The following PLPPR1 variants were observed in gnomAD, a reference collection of about 807,000 sequenced individuals.
The protein encoded by PLPPR1 is phospholipid phosphatase related 1, also known as phospholipid phosphatase-related protein type 1.
Under a neutral mutation model 33.1 loss-of-function variants are expected in PLPPR1, and 10 were observed. The observed-to-expected ratio is 0.30, with a 90% CI of 0.19 to 0.51. The LOEUF (loss-of-function observed/expected upper bound fraction) is 0.51. Among genes scored for constraint, PLPPR1 ranks in the 20% least tolerant of loss-of-function variants. The pLI, the probability that PLPPR1 is intolerant of heterozygous loss-of-function variation, is 0.97. For synonymous variants in PLPPR1, 151 were observed against 151.0 expected, an observed-to-expected ratio of 1.00 and a Z score of 0.00; for missense variants, 304 against 408.1, an observed-to-expected ratio of 0.74 and a Z score of 2.20.
chr9:101,234,633 G>A (rs1395191169), intron 2 of PLPPR1, among the ~76,000 whole-genome samples: 1 of 151,876 alleles, frequency 6.6e-6, no homozygotes, highest in African/African-American at 2.4e-5. Flanking sequence ...TAGAGAGAGA[G>A]AGATCTCAAC....
chr9:101,082,414 AAGG>A (rs1830631179), intron 1 of PLPPR1, among the ~76,000 whole-genome samples: 1 of 152,078 alleles, frequency 6.6e-6, no homozygotes, highest in Non-Finnish European at 1.5e-5. Flanking sequence ...CTCCCCCACC[AAGG>A]AGGGGATTTT....
At chr9:101,128,248 T>A (rs1377156523) in intron 1 of PLPPR1, among the ~76,000 whole-genome samples, 1 of 152,162 alleles carries the variant, frequency 6.6e-6, no homozygotes, top group East Asian at 1.9e-4. Flanking sequence ...AACATTCAGC[T>A]GTAGAGAAAT....
chr9:101,319,367 G>T (rs890332046), intron 7 of PLPPR1, among the ~76,000 whole-genome samples: 4 of 152,128 alleles, frequency 2.6e-5, no homozygotes, highest in African/African-American at 9.7e-5. Flanking sequence ...TAGTAGAGAC[G>T]GTTTTTTGCC....
At chr9:101,245,380 G>T (rs907389641) in intron 2 of PLPPR1, among the ~76,000 whole-genome samples, 8 of 151,750 alleles carry the variant, frequency 5.3e-5, no homozygotes, top group Non-Finnish European at 1.0e-4. Flanking sequence ...ATATAATTTA[G>T]GTAAACATAC....
rs1031778448 is a variant in PLPPR1, at chr9:101,317,429, A to G, written c.878A>G (p.Asp293Gly). The G allele has an allele frequency of 6.2e-7, 1 of 1,614,042 alleles. No individual in the cohort carries two copies. The highest frequency in any genetic ancestry group is 1.3e-5 in the African/African-American group (1 of 75,036). The change falls in exon 7 of 8, where the codon GAT (aspartate) becomes GGT (glycine). Residue 293 changes from aspartate to glycine, a missense_variant. Asp to Gly is a moderately conservative substitution (Grantham distance 94, BLOSUM62 -1). Coordinates refer to ENST00000374874, the MANE Select transcript of PLPPR1 (RefSeq NM_207299.2). ...TCTCCTTCCAAACCCAAGCCTGAGG[A>G]TCCCCGTGGAGTACCCCTAATGGCT... is the stretch of plus-strand genomic sequence containing the variant. ...QGSPSKPKPEDPRGVPLMAFP... is the reference protein window; with the variant it reads ...QGSPSKPKPEGPRGVPLMAFP...
At chr9:101,113,372 T>G (rs1831080683) in intron 1 of PLPPR1, among the ~76,000 whole-genome samples, 1 of 152,200 alleles carries the variant, frequency 6.6e-6, no homozygotes, top group South Asian at 2.1e-4. Flanking sequence ...TACTGTGTGC[T>G]GTTTAGAGAA....
At chr9:101,135,862 C>G (rs80340320) in intron 1 of PLPPR1, among the ~76,000 whole-genome samples, 8,900 of 152,170 alleles carry the variant, frequency 0.058, 864 homozygotes, top group African/African-American at 0.2. Flanking sequence ...CCAGCAGGCT[C>G]TCAATGAAGA....
intron 2 of PLPPR1, among the ~76,000 whole-genome samples, chr9:101,263,833 T>C (rs746878532): frequency 5.3e-5 from 8 of 152,290 alleles, no homozygotes; most frequent in Middle Eastern, 3.4e-3. Context: ...TTACGTAAGG[T>C]GTTTAAAACA....
chr9:101,273,069 T>C (rs1320904178), intron 3 of PLPPR1, among the ~76,000 whole-genome samples: 1 of 152,192 alleles, frequency 6.6e-6, no homozygotes, highest in Non-Finnish European at 1.5e-5. Context: ...CCTTAAGTAA[T>C]GATGGAACAT....
intron 4 of PLPPR1, among the ~76,000 whole-genome samples, chr9:101,296,701 A>T (rs951524322): frequency 5.9e-5 from 9 of 152,172 alleles, no homozygotes; most frequent in African/African-American, 1.9e-4. Flanking sequence ...CAAGAACAAA[A>T]AACCAAACAC....
intron 1 of PLPPR1, among the ~76,000 whole-genome samples, chr9:101,072,509 T>C (rs1223153813): frequency 6.6e-6 from 1 of 152,132 alleles, no homozygotes; most frequent in Non-Finnish European, 1.5e-5. Flanking sequence ...AGAAGGGAAC[T>C]GATTTGGTGT....
At chr9:101,241,665 A>C (rs1156997072) in intron 2 of PLPPR1, among the ~76,000 whole-genome samples, 1 of 152,074 alleles carries the variant, frequency 6.6e-6, no homozygotes, top group Non-Finnish European at 1.5e-5. Flanking sequence ...TTATCTGAAA[A>C]GAGCAAGCTC....
chr9:101,193,633 C>A (rs143816639), intron 2 of PLPPR1, among the ~76,000 whole-genome samples: 10 of 152,062 alleles, frequency 6.6e-5, no homozygotes, highest in African/African-American at 2.4e-4. Flanking sequence ...TCATTAAATA[C>A]ACCATATTTG....
intron 1 of PLPPR1, among the ~76,000 whole-genome samples, chr9:101,148,481 G>T (rs961725011): frequency 2.0e-5 from 3 of 152,042 alleles, no homozygotes; most frequent in Admixed American, 6.6e-5. Context: ...CAGCTCTCTT[G>T]TTGCCTCATG....
At chr9:101,251,775 A>G (rs1312022729) in intron 2 of PLPPR1, among the ~76,000 whole-genome samples, 1 of 152,118 alleles carries the variant, frequency 6.6e-6, no homozygotes, top group Admixed American at 6.6e-5. Flanking sequence ...TGGCTCATGT[A>G]GCTGTAAATA....
intron 1 of PLPPR1, among the ~76,000 whole-genome samples, chr9:101,068,422 A>G (rs1830445890): frequency 6.6e-6 from 1 of 152,048 alleles, no homozygotes; most frequent in Non-Finnish European, 1.5e-5. Flanking sequence ...GTTTTCATTC[A>G]TCACTGAAGA....
At chr9:101,184,326 A>G (rs1348201538) in intron 1 of PLPPR1, among the ~76,000 whole-genome samples, 1 of 144,772 alleles carries the variant, frequency 6.9e-6, no homozygotes, top group East Asian at 1.9e-4. Flanking sequence ...TGATATCTCA[A>G]AAGGGAAGGA....
chr9:101,079,581 G>T (rs1403762602), intron 1 of PLPPR1, among the ~76,000 whole-genome samples: 1 of 109,646 alleles, frequency 9.1e-6, no homozygotes, highest in African/African-American at 3.6e-5. Flanking sequence ...CATTTTGATT[G>T]CCTTTTTTTT....
chr9:101,324,017 C>A lies in PLPPR1; in HGVS notation c.946-8C>A, dbSNP rs865833992. 3.7e-6 allele frequency: 6 copies of A among 1,611,794 alleles called. No individual in the cohort carries two copies. In the South Asian group the frequency reaches 6.6e-5, roughly 18 times the overall value. ...CTCAGATTTTATCTGCTTGTGTTTGCTCCACAGAATCACTCTGCGTCCATG... is the reference window on the plus strand; with the variant it reads ...CTCAGATTTTATCTGCTTGTGTTTGATCCACAGAATCACTCTGCGTCCATG... On this transcript the variant is annotated splice_polypyrimidine_tract_variant and splice_region_variant and intron_variant, in intron 7 of 7. Coordinates refer to ENST00000374874, the MANE Select transcript of PLPPR1 (RefSeq NM_207299.2).
Sources: allele counts gnomAD v4.1 joint callset (sites outside exome capture counted in the v4.1 genomes callset), GRCh38; gene constraint gnomAD v4.1.1; transcripts MANE v1.5; gene names NCBI Gene and HGNC (gene_info 2026-07-23, HGNC 2026-07-21).